The following EXOSC7 variants were observed in gnomAD, a reference collection of about 807,000 sequenced individuals.
The protein encoded by EXOSC7 is exosome component 7, also known as exosome complex component RRP42.
A neutral mutation model predicts 34.3 loss-of-function variants in EXOSC7; 25 were observed. The observed-to-expected ratio is 0.73, with a 90% CI of 0.53 to 1.02. The LOEUF (loss-of-function observed/expected upper bound fraction) is 1.02. Ranked by LOEUF, EXOSC7 falls within the 50% of genes least tolerant of loss-of-function variation. EXOSC7 has a pLI of 0.00. For missense variants in EXOSC7, 370 were observed against 368.5 expected, an observed-to-expected ratio of 1.00 and a Z score of -0.03; for synonymous variants, 130 against 143.0, an observed-to-expected ratio of 0.91 and a Z score of 0.65.
intron 6 of EXOSC7, among the ~76,000 whole-genome samples, chr3:45,006,795 A>C (rs78944304): frequency 3.9e-3 from 486 of 124,228 alleles, no homozygotes; most frequent in Middle Eastern, 0.021. Context: ...CTCTGCTGCA[A>C]CCCCCCCACC....
At chr3:45,005,156 A>T (rs1706997197) in intron 5 of EXOSC7, 135 bp from the exon 6 acceptor site, 1 of 985,370 alleles carries the variant, frequency 1.0e-6, no homozygotes, top group Non-Finnish European at 1.5e-6. Flanking sequence ...GATGACAGGG[A>T]TGAGGATGAT....
intron 1 of EXOSC7, chr3:44,977,150 C>T (rs1225354760): frequency 6.6e-6 from 1 of 152,242 alleles, no homozygotes; most frequent in Non-Finnish European, 1.5e-5. Flanking sequence ...TATTAAATCC[C>T]TGGTTATGAC....
chr3:44,987,971 TTG>T (rs1451143654), intron 1 of EXOSC7, among the ~76,000 whole-genome samples: 2 of 152,030 alleles, frequency 1.3e-5, no homozygotes, highest in Admixed American at 1.3e-4. Flanking sequence ...TTAAACAGAT[TTG>T]TGTGTGTGTG....
chr3:44,991,598 C>T (rs758545556), intron 3 of EXOSC7, among the ~76,000 whole-genome samples: 3 of 152,196 alleles, frequency 2.0e-5, no homozygotes, highest in Admixed American at 2.0e-4. Flanking sequence ...ATAGGGGATA[C>T]GTTTCATTGT....
chr3:44,997,189 C>G lies in EXOSC7; in HGVS notation c.357C>G (p.Val119=). 5 of 1,613,950 alleles carry G rather than the reference C, an allele frequency of 3.1e-6. No homozygotes were observed. Among genetic ancestry groups the G allele is most frequent in the Non-Finnish European group, 4.2e-6 (5 of 1,179,952 alleles). ...GGATATTTAACAATAAAAGCAGTGT[C>G]GACTTAAAGACCCTCTGCATTAGTC... ...LYRIFNNKSS[V]DLKTLCISPR... Residue 119 remains valine, a synonymous_variant, in exon 4 of 8, where the codon GTC becomes GTG. Coordinates refer to ENST00000265564, the MANE Select transcript of EXOSC7 (RefSeq NM_015004.4).
intron 4 of EXOSC7, among the ~76,000 whole-genome samples, chr3:44,999,486 C>A (rs550606146): frequency 6.6e-6 from 1 of 152,026 alleles, no homozygotes; most frequent in African/African-American, 2.4e-5. Flanking sequence ...GTCAGGAGTT[C>A]GAGACCAGCC....
intron 1 of EXOSC7, among the ~76,000 whole-genome samples, chr3:44,988,097 A>G (rs1706471115): frequency 6.6e-6 from 1 of 152,190 alleles, no homozygotes; most frequent in South Asian, 2.1e-4. Context: ...GGTTTTAAGT[A>G]CCATTCCCCA....
chr3:44,989,624 C>T lies in EXOSC7; in HGVS notation c.234C>T (p.Tyr78=). Reference sequence around the variant, plus strand: ...AGCTGGAGAAACCAAATGAAGGCTACTTGGAGTTCTTTGTTGACTGGTCAG... The same window carrying T: ...AGCTGGAGAAACCAAATGAAGGCTATTTGGAGTTCTTTGTTGACTGGTCAG... ...TPKLEKPNEG[Y]LEFFVDCSAS... is the part of the protein sequence containing the mutation. The change falls in exon 3 of 8, where the codon TAC becomes TAT. Residue 78 remains tyrosine (Y), a synonymous_variant. Coordinates refer to ENST00000265564, the MANE Select transcript of EXOSC7 (RefSeq NM_015004.4). The T allele has an allele frequency of 6.2e-7, 1 of 1,613,400 alleles. No homozygotes were observed. Among genetic ancestry groups the T allele is most frequent in the Non-Finnish European group, 8.5e-7 (1 of 1,179,398 alleles).
intron 3 of EXOSC7, among the ~76,000 whole-genome samples, chr3:44,993,681 A>T (rs2125966890): frequency 6.6e-6 from 1 of 152,270 alleles, no homozygotes; most frequent in South Asian, 2.1e-4. Context: ...GTCATGCTTT[A>T]TGAAGGGTCA....
At position 44,981,656 on chromosome 3, in the gene EXOSC7, A is replaced by T. The variant is rs138727752; in HGVS notation, c.57+5322A>T. On this transcript the variant is annotated intron_variant, in intron 1 of 7. Transcript: ENST00000265564. ...GGATAGGCCAGGTGCAGTGGCTCACACCTGTAATCCCAGCCCTTTGGGAGG... is the reference window on the plus strand; with the variant it reads ...GGATAGGCCAGGTGCAGTGGCTCACTCCTGTAATCCCAGCCCTTTGGGAGG... Among the ~76,000 whole-genome samples, 124 of 152,300 alleles carry T rather than the reference A, an allele frequency of 8.1e-4. 5 individuals are homozygous for T. In the East Asian group the frequency reaches 0.014, roughly 18 times the overall value.
intron 3 of EXOSC7, among the ~76,000 whole-genome samples, chr3:44,995,813 T>C (rs1309420358): frequency 6.6e-6 from 1 of 152,202 alleles, no homozygotes; most frequent in African/African-American, 2.4e-5. Context: ...TAATTTGGGA[T>C]TCATTCTTCC....
In EXOSC7 at chr3:44,989,136, C is replaced by G. The variant is rs1402964016; in HGVS notation, c.58-4C>G. 3.1e-6 allele frequency: 5 copies of G among 1,609,334 alleles called. No individual in the cohort carries two copies. Among genetic ancestry groups the G allele is most frequent in the South Asian group, 1.1e-5 (1 of 91,002 alleles). On this transcript the variant is annotated splice_region_variant and splice_polypyrimidine_tract_variant and intron_variant, in intron 1 of 7. Coordinates refer to ENST00000265564, the MANE Select transcript of EXOSC7 (RefSeq NM_015004.4). ...ACTATAGGACTGTGGTTGTTAACACCTAGGAAGACCTCCGTGTGGATGGCC... is the reference window on the plus strand; with the variant it reads ...ACTATAGGACTGTGGTTGTTAACACGTAGGAAGACCTCCGTGTGGATGGCC...
downstream of EXOSC7, chr3:45,011,481 A>G: frequency 3.2e-6 from 2 of 622,700 alleles, no homozygotes; most frequent in Non-Finnish European, 5.7e-6. Flanking sequence ...CTGGTTTGGT[A>G]TGTCTAGAGT....
intron 7 of EXOSC7, among the ~76,000 whole-genome samples, chr3:45,007,954 A>T (rs1037893051): frequency 6.6e-6 from 1 of 152,200 alleles, no homozygotes; most frequent in African/African-American, 2.4e-5. Flanking sequence ...TCCTGTCCCT[A>T]GAAGTGGGTG....
In EXOSC7 at chr3:45,005,295, C is replaced by A. The variant is rs150924083; in HGVS notation, c.496C>A (p.Pro166Thr). The A allele has an allele frequency of 6.2e-7, 1 of 1,614,038 alleles. No individual in the cohort carries two copies. Among genetic ancestry groups the A allele is most frequent in the African/African-American group, 1.3e-5 (1 of 75,008 alleles). Residue 166 changes from proline (P) to threonine (T), a missense_variant, in exon 6 of 8, where the codon CCA becomes ACA. Physicochemically the swap from Pro to Thr is conservative, Grantham distance 38. Coordinates refer to ENST00000265564, the MANE Select transcript of EXOSC7 (RefSeq NM_015004.4). ...TACTAGTGCTTCTGCTTCCAGGATA[C>A]CAAGGGTTCGAGTTTTGGAGGATGA... ...VKAALFNTRI[P>T]RVRVLEDEEG...
At chr3:44,996,275 A>AT (rs1706719811) in intron 3 of EXOSC7, among the ~76,000 whole-genome samples, 1 of 138,708 alleles carries the variant, frequency 7.2e-6, no homozygotes, top group African/African-American at 2.8e-5. Context: ...TCATATACAT[A>AT]TTAAGGGTTT....
chr3:45,001,507 T>G (rs758262654), intron 4 of EXOSC7, 31 bp from the exon 5 acceptor site: 1 of 1,569,250 alleles, frequency 6.4e-7, no homozygotes, highest in Non-Finnish European at 8.8e-7. Flanking sequence ...TGCTTGGTTT[T>G]TTTTCCTTTT....
chr3:44,987,159 T>TA (rs945725337), intron 1 of EXOSC7, among the ~76,000 whole-genome samples: 1 of 149,860 alleles, frequency 6.7e-6, no homozygotes, highest in Non-Finnish European at 1.5e-5. Context: ...AAGGAGATAT[T>TA]AAAAAATTCA....
chr3:44,997,898 G>C (rs980268013), intron 4 of EXOSC7, among the ~76,000 whole-genome samples: 2 of 152,170 alleles, frequency 1.3e-5, no homozygotes, highest in Admixed American at 6.5e-5. Context: ...CCCACACAGA[G>C]TCTACTCCCC....
Sources: allele counts gnomAD v4.1 joint callset (sites outside exome capture counted in the v4.1 genomes callset), GRCh38; gene constraint gnomAD v4.1.1; transcripts MANE v1.5; gene names NCBI Gene and HGNC (gene_info 2026-07-23, HGNC 2026-07-21).